The following NRF1 variants were observed in gnomAD, a reference collection of about 807,000 sequenced individuals.
The protein encoded by NRF1 is alpha palindromic-binding protein.
A neutral mutation model predicts 58.5 loss-of-function variants in NRF1; 5 were observed. That is an observed-to-expected ratio of 0.09 (90% CI 0.04 to 0.18). The LOEUF (loss-of-function observed/expected upper bound fraction) is 0.18, where lower values mean the gene tolerates loss of function less well. Among genes scored for constraint, NRF1 ranks in the 10% least tolerant of loss-of-function variants. The probability of loss-of-function intolerance (pLI) is 1.00; values close to 1 mark genes in which losing one functional copy is unlikely to be tolerated. For missense variants in NRF1, 288 were observed against 657.7 expected, an observed-to-expected ratio of 0.44 and a Z score of 6.15; for synonymous variants, 224 against 246.7, an observed-to-expected ratio of 0.91 and a Z score of 0.86.
At chr7:129,752,559 A>C (rs1225404551) in intron 10 of NRF1, among the ~76,000 whole-genome samples, 1 of 152,172 alleles carries the variant, frequency 6.6e-6, no homozygotes, top group East Asian at 1.9e-4. Context: ...AACATTATGG[A>C]AAGATATTTT....
At chr7:129,708,533 C>T (rs1223504157) in intron 5 of NRF1, among the ~76,000 whole-genome samples, 1 of 152,062 alleles carries the variant, frequency 6.6e-6, no homozygotes, top group Non-Finnish European at 1.5e-5. Context: ...TGTTTGTTTT[C>T]CTATATTTTA....
intron 10 of NRF1, among the ~76,000 whole-genome samples, chr7:129,740,742 C>T (rs949471009): frequency 2.0e-5 from 3 of 152,186 alleles, no homozygotes; most frequent in Non-Finnish European, 4.4e-5. Context: ...GTAGTCTGCA[C>T]ATCCAGAGGG....
intron 1 of NRF1, among the ~76,000 whole-genome samples, chr7:129,618,386 A>G (rs76450145): frequency 0.026 from 3,999 of 152,324 alleles, 62 homozygotes; most frequent in Middle Eastern, 0.075. Context: ...TGCATTCATC[A>G]GTATAATGCC....
intron 5 of NRF1, among the ~76,000 whole-genome samples, chr7:129,701,149 T>A (rs1802815713): frequency 6.6e-6 from 1 of 151,972 alleles, no homozygotes; most frequent in Non-Finnish European, 1.5e-5. Context: ...TTCATATTCA[T>A]AAGAAAAAGA....
intron 10 of NRF1, among the ~76,000 whole-genome samples, chr7:129,731,779 A>T (rs1020833031): frequency 1.3e-5 from 2 of 151,872 alleles, no homozygotes; most frequent in African/African-American, 4.8e-5. Context: ...CTAATTTTTT[A>T]AATTATATTT....
chr7:129,633,775 T>C (rs562066635), intron 1 of NRF1: 4 of 138,474 alleles, frequency 2.9e-5, no homozygotes, highest in African/African-American at 5.0e-5. Flanking sequence ...ACCATACTTA[T>C]TAACTATAAG....
rs144614440 is a variant in NRF1, at chr7:129,661,635, T to G, written c.223+4061T>G. Among the ~76,000 whole-genome samples the G allele has an allele frequency of 1.2e-3, 187 of 151,068 alleles. 3 individuals are homozygous for G. The highest frequency in any genetic ancestry group is 2.3e-3 in the Non-Finnish European group (157 of 68,026). ...TCCCAACAAGTTTCTTATTTCCACC[T>G]GAGACCACATCAACCTGGACTTTAT... On this transcript the variant is annotated intron_variant, in intron 2 of 10. Transcript: ENST00000393232.
intron 8 of NRF1, among the ~76,000 whole-genome samples, chr7:129,714,529 T>TA (rs926184597): frequency 2.6e-5 from 4 of 152,128 alleles, no homozygotes; most frequent in Non-Finnish European, 5.9e-5. Context: ...GCTTGCCTCT[T>TA]ATGGTGGCAG....
chr7:129,614,347 C>T (rs1453859725), intron 1 of NRF1, among the ~76,000 whole-genome samples: 1 of 151,996 alleles, frequency 6.6e-6, no homozygotes, highest in East Asian at 1.9e-4. Flanking sequence ...AACTTCTGAC[C>T]TAAGGTGATC....
intron 2 of NRF1, among the ~76,000 whole-genome samples, chr7:129,669,024 T>G (rs868853450): frequency 2.0e-5 from 3 of 152,300 alleles, no homozygotes; most frequent in Middle Eastern, 3.4e-3. Flanking sequence ...CTCGGTTCAC[T>G]GCAACCTCCA....
rs576184638 is a variant in NRF1, at chr7:129,689,552, C to T, written c.466-854C>T. The stretch of plus-strand genomic sequence containing the variant: ...ACCCATTTTTTCCTCTCCCAAGTTC[C>T]AGGCATTCAGATGAACCCATTATAT... On this transcript the variant is annotated intron_variant, in intron 4 of 10. Transcript: ENST00000393232. Among the ~76,000 whole-genome samples the T allele has an allele frequency of 2.0e-5, 3 of 152,302 alleles. No homozygotes were observed. In the South Asian group the frequency reaches 6.2e-4, roughly 32 times the overall value.
At chr7:129,715,071 G>A (rs4728175) in intron 8 of NRF1, among the ~76,000 whole-genome samples, 55,871 of 152,022 alleles carry the variant, frequency 0.37, 11,322 homozygotes, top group Non-Finnish European at 0.48. Context: ...AGGGTGGGTA[G>A]TTAATCAACC....
At chr7:129,710,681 A>G (rs1436944443) in intron 7 of NRF1, 110 bp downstream of exon 7, 2 of 676,320 alleles carry the variant, frequency 3.0e-6, no homozygotes, top group South Asian at 1.7e-5. Context: ...TGAACTTTAT[A>G]TAGCTCCCCA....
chr7:129,756,657 A>G lies in NRF1; in HGVS notation c.*1476A>G, dbSNP rs1029768801. The G allele has an allele frequency of 6.6e-5, 10 of 151,818 alleles. No individual in the cohort carries two copies. Among genetic ancestry groups the G allele is most frequent in the African/African-American group, 2.2e-4 (9 of 41,320 alleles). 9.4% of individuals were successfully genotyped at this position (151,818 alleles called of 1,614,324 possible). On this transcript the variant is annotated 3_prime_UTR_variant, in exon 11 of 11. Coordinates refer to ENST00000393232, the MANE Select transcript of NRF1 (RefSeq NM_005011.5). ...CTCCTCCCTCCTCCCAGCTCTCCCC[A>G]TGTGTGTGATGGTGTATTTAATGTG...
intron 5 of NRF1, among the ~76,000 whole-genome samples, chr7:129,706,563 GT>G (rs960579172): frequency 1.4e-4 from 22 of 152,306 alleles, no homozygotes; most frequent in African/African-American, 5.1e-4. Flanking sequence ...GGAAAGGGTG[GT>G]TTTCTACTTG....
chr7:129,688,807 A>G (rs1255948456), intron 4 of NRF1, among the ~76,000 whole-genome samples: 2 of 152,198 alleles, frequency 1.3e-5, no homozygotes, highest in East Asian at 3.8e-4. Flanking sequence ...ACATGGGAGA[A>G]ACTGCCCCCA....
intron 1 of NRF1, among the ~76,000 whole-genome samples, chr7:129,639,130 GCTTACTGCAGC>G (rs1312367300): frequency 6.6e-6 from 1 of 152,124 alleles, no homozygotes; most frequent in Non-Finnish European, 1.5e-5. Context: ...CACAGTCTCT[GCTTACTGCAGC>G]CTCGACCTCC....
intron 2 of NRF1, among the ~76,000 whole-genome samples, chr7:129,663,254 C>T (rs183523393): frequency 2.3e-4 from 35 of 152,316 alleles, no homozygotes; most frequent in Admixed American, 5.9e-4. Flanking sequence ...GGCCCGCTCT[C>T]GATGGTCGCT....
intron 3 of NRF1, among the ~76,000 whole-genome samples, chr7:129,672,739 A>G (rs550499406): frequency 3.9e-4 from 60 of 152,292 alleles, no homozygotes; most frequent in Non-Finnish European, 4.9e-4. Flanking sequence ...CGAGCATGGC[A>G]GTGAGGGTGA....
Sources: gnomAD v4.1 joint callset for allele counts (sites outside exome capture counted in the v4.1 genomes callset) on GRCh38, gnomAD v4.1.1 for gene constraint, MANE v1.5 for transcripts, NCBI Gene and HGNC (gene_info 2026-07-23, HGNC 2026-07-21) for gene names.